The following CYTH1 variants were observed in gnomAD, a reference collection of about 807,000 sequenced individuals.
CYTH1 encodes the protein cytohesin-1.
Under a neutral mutation model 61.8 loss-of-function variants are expected in CYTH1, and 18 were observed. That is an observed-to-expected ratio of 0.29 (90% CI 0.20 to 0.43). The LOEUF (loss-of-function observed/expected upper bound fraction) is 0.43, where lower values mean the gene tolerates loss of function less well. CYTH1 is among the 20% of genes least tolerant of loss of function. The pLI, the probability that CYTH1 is intolerant of heterozygous loss-of-function variation, is 1.00. For missense variants in CYTH1, 336 were observed against 510.5 expected, an observed-to-expected ratio of 0.66 and a Z score of 3.29; for synonymous variants, 174 against 184.3, an observed-to-expected ratio of 0.94 and a Z score of 0.45.
chr17:78,719,368 A>G (rs2144521227), intron 1 of CYTH1, among the ~76,000 whole-genome samples: 1 of 152,326 alleles, frequency 6.6e-6, no homozygotes, highest in African/African-American at 2.4e-5. Context: ...GTTAAAAACT[A>G]TAGGATAAGA....
intron 4 of CYTH1, 82 bp downstream of exon 4, chr17:78,702,456 A>C: frequency 6.8e-7 from 1 of 1,465,650 alleles, no homozygotes; most frequent in African/African-American, 1.4e-5. Context: ...AACGCTTGGA[A>C]AAAAACGTTT....
rs116824079 is a variant in CYTH1, at chr17:78,696,316, A to G, written c.812-307T>C. On this transcript the variant is annotated intron_variant, in intron 9 of 13. Coordinates refer to ENST00000446868, the MANE Select transcript of CYTH1 (RefSeq NM_004762.6). ...CCACAAATCGGCTTTTACAAAGCCA[A>G]TGTTTACTAGTATATCCAGAATCAG... 9.3e-3 allele frequency among the ~76,000 whole-genome samples: 1,411 copies of G among 152,348 alleles called. 20 individuals carry two copies. The highest frequency in any genetic ancestry group is 0.032 in the African/African-American group (1,311 of 41,566).
intron 11 of CYTH1, among the ~76,000 whole-genome samples, chr17:78,685,521 T>C (rs1164599585): frequency 6.6e-6 from 1 of 152,216 alleles, no homozygotes; most frequent in Admixed American, 6.5e-5. Context: ...CTATTAGTTC[T>C]ATACTTAAGT....
At chr17:78,725,763 C>T (rs1288369072) in intron 1 of CYTH1, among the ~76,000 whole-genome samples, 1 of 152,172 alleles carries the variant, frequency 6.6e-6, no homozygotes, top group African/African-American at 2.4e-5. Context: ...GTGGCAAAAA[C>T]CTGCACTTTC....
chr17:78,727,963 G>A (rs941144612), intron 1 of CYTH1: 3 of 288,678 alleles, frequency 1.0e-5, no homozygotes, highest in Admixed American at 4.4e-5. Flanking sequence ...CTGAAGAGGT[G>A]CTGACCCATG....
intron 1 of CYTH1, among the ~76,000 whole-genome samples, chr17:78,770,579 T>C (rs551841041): frequency 1.3e-5 from 2 of 152,062 alleles, no homozygotes; most frequent in East Asian, 3.9e-4. Flanking sequence ...CCATCACGCC[T>C]GGCTAATTTT....
At chr17:78,704,155 G>T (rs1308438299) in intron 3 of CYTH1, among the ~76,000 whole-genome samples, 1 of 152,152 alleles carries the variant, frequency 6.6e-6, no homozygotes, top group South Asian at 2.1e-4. Flanking sequence ...GTCACCTGGG[G>T]CCTCAACAAA....
intron 10 of CYTH1, among the ~76,000 whole-genome samples, chr17:78,693,052 G>T (rs12601281): frequency 6.6e-6 from 1 of 152,128 alleles, no homozygotes; most frequent in South Asian, 2.1e-4. Context: ...TGATTACAGT[G>T]AGCTTCTACA....
intron 1 of CYTH1, among the ~76,000 whole-genome samples, chr17:78,740,404 A>C (rs2093337760): frequency 6.6e-6 from 1 of 152,222 alleles, no homozygotes; most frequent in African/African-American, 2.4e-5. Flanking sequence ...TCAATGCCTC[A>C]TTCTTGTTAT....
At chr17:78,764,037 G>A (rs1037700251) in intron 1 of CYTH1, among the ~76,000 whole-genome samples, 8 of 152,138 alleles carry the variant, frequency 5.3e-5, no homozygotes, top group East Asian at 1.9e-4. Flanking sequence ...CTTGAACCCG[G>A]GAGGCAGAGG....
intron 9 of CYTH1, among the ~76,000 whole-genome samples, 199 bp from the exon 10 acceptor site, chr17:78,696,208 G>A (rs1389564774): frequency 2.6e-5 from 4 of 152,232 alleles, no homozygotes; most frequent in African/African-American, 4.8e-5. Flanking sequence ...TGTCTGGCAC[G>A]TGAACGAGGG....
intron 1 of CYTH1, among the ~76,000 whole-genome samples, chr17:78,777,742 T>C (rs568001825): frequency 1.5e-4 from 22 of 151,574 alleles, no homozygotes; most frequent in Admixed American, 1.3e-3. Context: ...ATCCCAGCAC[T>C]TTGGGAGGCT....
At chr17:78,687,771 T>G (rs1261641107) in intron 11 of CYTH1, among the ~76,000 whole-genome samples, 1 of 152,238 alleles carries the variant, frequency 6.6e-6, no homozygotes, top group Non-Finnish European at 1.5e-5. Context: ...AGTGACAGAT[T>G]GAGTTTGTGA....
At chr17:78,735,589 G>A (rs1165165162) in intron 1 of CYTH1, among the ~76,000 whole-genome samples, 2 of 152,170 alleles carry the variant, frequency 1.3e-5, no homozygotes, top group African/African-American at 2.4e-5. Context: ...TCCCCCACGC[G>A]TGCTGCAGCT....
chr17:78,688,431 C>G (rs754897407), intron 11 of CYTH1, among the ~76,000 whole-genome samples: 4 of 152,206 alleles, frequency 2.6e-5, no homozygotes, highest in Non-Finnish European at 5.9e-5. Context: ...CGTTAATCCT[C>G]TCTAACAATT....
intron 1 of CYTH1, among the ~76,000 whole-genome samples, chr17:78,746,709 A>C (rs972833347): frequency 6.6e-6 from 1 of 152,160 alleles, no homozygotes; most frequent in African/African-American, 2.4e-5. Flanking sequence ...TGGAAGGCCG[A>C]GGTGAGAGGA....
At chr17:78,755,691 T>C (rs975858502) in intron 1 of CYTH1, among the ~76,000 whole-genome samples, 1 of 151,802 alleles carries the variant, frequency 6.6e-6, no homozygotes, top group Non-Finnish European at 1.5e-5. Context: ...GGCAGCACTT[T>C]GGGAGGCTGA....
intron 3 of CYTH1, among the ~76,000 whole-genome samples, 154 bp downstream of exon 3, chr17:78,708,042 TG>T (rs1488882600): frequency 6.6e-6 from 1 of 152,178 alleles, no homozygotes; most frequent in Non-Finnish European, 1.5e-5. Context: ...CGGTGAAGGA[TG>T]GAAGGCAGAC....
At chr17:78,694,301 G>A (rs1052867955) in intron 10 of CYTH1, among the ~76,000 whole-genome samples, 3 of 152,172 alleles carry the variant, frequency 2.0e-5, no homozygotes, top group East Asian at 3.9e-4. Flanking sequence ...AAGCAAGCAC[G>A]TGCCCTCCAC....
Sources: gnomAD v4.1 joint callset for allele counts (sites outside exome capture counted in the v4.1 genomes callset) on GRCh38, gnomAD v4.1.1 for gene constraint, MANE v1.5 for transcripts, NCBI Gene and HGNC (gene_info 2026-07-23, HGNC 2026-07-21) for gene names.